Variants in TRAPPC11 observed in about 807,000 individuals in gnomAD.
TRAPPC11 encodes foie gras homolog.
In TRAPPC11, 104 loss-of-function variants were observed where a neutral mutation model predicts 151.2. That is an observed-to-expected ratio of 0.69 (90% CI 0.59 to 0.81). The LOEUF (loss-of-function observed/expected upper bound fraction) is 0.81, where lower values mean the gene tolerates loss of function less well. TRAPPC11 is among the 30% of genes least tolerant of loss of function. The probability of loss-of-function intolerance (pLI) is 0.00; values close to 1 mark genes in which losing one functional copy is unlikely to be tolerated. For synonymous variants in TRAPPC11, 456 were observed against 472.3 expected (o/e 0.97, Z 0.45); for missense variants, 1,230 against 1,349.6 (o/e 0.91, Z 1.39).
chr4:183,705,260 C>T (rs984289108), intron 27 of TRAPPC11, among the ~76,000 whole-genome samples, 190 bp downstream of exon 27: 1 of 152,016 alleles, frequency 6.6e-6, no homozygotes. Context: ...GGAACAAATC[C>T]CTAGATACAA....
intron 9 of TRAPPC11, 84 bp downstream of exon 9, chr4:183,679,570 T>C: frequency 1.6e-6 from 2 of 1,238,270 alleles, no homozygotes; most frequent in Non-Finnish European, 2.2e-6. Flanking sequence ...GTTCTAAAAC[T>C]GAACCAGGTT....
In TRAPPC11 at chr4:183,675,141, G is replaced by A. The variant is rs551058003; in HGVS notation, c.661-23G>A. On this transcript the variant is annotated intron_variant, in intron 6 of 29. Transcript: ENST00000334690. ...CATTTTAAATAGAATATGTATAATA[G>A]TAATTTTTTTGTCTCTTTTTAGCTT... 5 of 1,306,738 alleles carry A rather than the reference G, an allele frequency of 3.8e-6. No homozygotes were observed. The South Asian group carries it at 7.9e-5, about 21-fold the overall frequency. 80.9% of individuals were successfully genotyped at this position (1,306,738 alleles called of 1,614,324 possible). A position where few individuals can be genotyped will look rare whatever the true frequency, so the allele number is the denominator to read the frequency against.
Position 183,674,735 on chromosome 4 carries a change from C to A in TRAPPC11, c.583C>A (p.His195Asn), listed in dbSNP as rs1352269897. 2 of 1,559,944 alleles carry A rather than the reference C, an allele frequency of 1.3e-6. No individual in the cohort carries two copies. Among genetic ancestry groups the A allele is most frequent in the East Asian group, 2.4e-5 (1 of 41,632 alleles). Reference protein sequence around the residue: ...IIRLENAFYEHAQTYYYTEIR... With the variant: ...IIRLENAFYENAQTYYYTEIR... Reference sequence around the variant, plus strand: ...CAGATTGGAAAATGCCTTTTATGAACATGCACAGACTTATTACTACACTGA... The same window carrying A: ...CAGATTGGAAAATGCCTTTTATGAAAATGCACAGACTTATTACTACACTGA... The change falls in exon 6 of 30, where the codon CAT becomes AAT. Residue 195 changes from histidine to asparagine, a missense_variant. Coordinates refer to ENST00000334690, the MANE Select transcript of TRAPPC11 (RefSeq NM_021942.6).
At chr4:183,660,571 A>T (rs1333402825) in intron 1 of TRAPPC11, among the ~76,000 whole-genome samples, 3 of 152,188 alleles carry the variant, frequency 2.0e-5, no homozygotes, top group Non-Finnish European at 4.4e-5. Flanking sequence ...GATGACAGTC[A>T]TTTTTAGTTC....
intron 1 of TRAPPC11, among the ~76,000 whole-genome samples, chr4:183,663,629 A>G (rs1579152270): frequency 1.3e-5 from 2 of 152,126 alleles, no homozygotes; most frequent in South Asian, 4.1e-4. Flanking sequence ...TCGGCCTCCC[A>G]AAGTGTTGGG....
chr4:183,677,401 G>A, intron 7 of TRAPPC11, 57 bp from the exon 8 acceptor site: 1 of 972,394 alleles, frequency 1.0e-6, no homozygotes, highest in Non-Finnish European at 1.6e-6. Flanking sequence ...TAGTGATTTG[G>A]TTCTTAGAAA....
intron 27 of TRAPPC11, 121 bp downstream of exon 27, chr4:183,705,191 C>A: frequency 1.6e-6 from 1 of 640,092 alleles, no homozygotes; most frequent in Non-Finnish European, 2.7e-6. Flanking sequence ...GTAAAAGTAG[C>A]TTATGGCCAG....
chr4:183,689,631 CTTTT>C (rs777524576), intron 18 of TRAPPC11, among the ~76,000 whole-genome samples: 1 of 111,818 alleles, frequency 8.9e-6, no homozygotes, highest in South Asian at 2.7e-4. Context: ...CACAAGGACT[CTTTT>C]TTTTTTTTTT....
In TRAPPC11 at chr4:183,684,206, G is replaced by A. The variant is rs201387237; in HGVS notation, c.1349G>A (p.Arg450Gln). The A allele has an allele frequency of 9.9e-6, 16 of 1,613,852 alleles. No individual in the cohort carries two copies. Among genetic ancestry groups the A allele is most frequent in the Admixed American group, 1.7e-5 (1 of 59,996 alleles). ...VAQFKKYKCP[R>Q]MKSHLMVQMG... ...CAGTTCAAGAAGTATAAGTGCCCGC[G>A]AATGAAAAGTCACCTAAGTATGTAT... The change falls in exon 13 of 30, where the codon CGA becomes CAA. Residue 450 changes from arginine to glutamine, a missense_variant. By Grantham distance (43) the Arg-to-Gln change is conservative (BLOSUM62 1). Transcript: ENST00000334690.
At chr4:183,674,203 C>T (rs1349947049) in intron 5 of TRAPPC11, among the ~76,000 whole-genome samples, 2 of 150,636 alleles carry the variant, frequency 1.3e-5, no homozygotes, top group Non-Finnish European at 3.0e-5. Context: ...CACTTGAGGT[C>T]AGGAGATCAA....
chr4:183,686,674 T>C lies in TRAPPC11; in HGVS notation c.1819T>C (p.Phe607Leu), dbSNP rs1361092633. The C allele has an allele frequency of 5.0e-6, 8 of 1,614,004 alleles. No individual in the cohort carries two copies. The highest frequency in any genetic ancestry group is 6.8e-6 in the Non-Finnish European group (8 of 1,179,996). ...PSFHVDVPVQ[F>L]DIYLKADCPH... ...TTTTCATGTTGATGTTCCTGTTCAG[T>C]TTGATATTTATCTGAAGGCTGATTG... Residue 607 changes from phenylalanine to leucine, a missense_variant, in exon 18 of 30, where the codon TTT becomes CTT. Coordinates refer to ENST00000334690, the MANE Select transcript of TRAPPC11 (RefSeq NM_021942.6).
At chr4:183,706,638 A>C in intron 27 of TRAPPC11, 169 bp from the exon 28 acceptor site, 1 of 627,258 alleles carries the variant, frequency 1.6e-6, no homozygotes. Flanking sequence ...GTTTTATCAT[A>C]GTCTTATTGC....
At chr4:183,667,866 GGA>G (rs879241588) in intron 4 of TRAPPC11, 135 bp from the exon 5 acceptor site, 66 of 679,230 alleles carry the variant, frequency 9.7e-5, no homozygotes, top group South Asian at 8.5e-4. Flanking sequence ...AAGGAGCCCA[GGA>G]GTCCTGTTGG....
chr4:183,664,812 C>CA (rs1554005876), intron 2 of TRAPPC11, among the ~76,000 whole-genome samples: 5 of 151,164 alleles, frequency 3.3e-5, no homozygotes, highest in African/African-American at 1.2e-4. Flanking sequence ...GACCCCTATC[C>CA]TTTTTTTTTC....
chr4:183,691,921 A>G (rs1340628570), intron 19 of TRAPPC11, among the ~76,000 whole-genome samples: 1 of 152,242 alleles, frequency 6.6e-6, no homozygotes, highest in African/African-American at 2.4e-5. Context: ...AAAAATGAAC[A>G]TATATATTTG....
chr4:183,702,512 T>A (rs770206506), intron 26 of TRAPPC11, among the ~76,000 whole-genome samples: 2 of 152,166 alleles, frequency 1.3e-5, no homozygotes, highest in Non-Finnish European at 2.9e-5. Context: ...ATCAACATCT[T>A]AAGGTAAAGT....
At chr4:183,712,148 A>G (rs555727893) in intron 29 of TRAPPC11, among the ~76,000 whole-genome samples, 3 of 152,214 alleles carry the variant, frequency 2.0e-5, no homozygotes, top group Non-Finnish European at 4.4e-5. Flanking sequence ...CTTACCTGTC[A>G]GCTCAGGCTC....
intron 22 of TRAPPC11, 34 bp downstream of exon 22, chr4:183,694,072 C>A: frequency 1.2e-6 from 2 of 1,605,976 alleles, no homozygotes; most frequent in South Asian, 1.1e-5. Context: ...AAGAGGAAAT[C>A]AATTAGTTTG....
chr4:183,688,482 G>A (rs1579197098), intron 18 of TRAPPC11, among the ~76,000 whole-genome samples: 1 of 152,156 alleles, frequency 6.6e-6, no homozygotes, highest in Non-Finnish European at 1.5e-5. Context: ...AGAGTTAAGC[G>A]GGGATAGGCT....
Sources: allele counts gnomAD v4.1 joint callset (sites outside exome capture counted in the v4.1 genomes callset), GRCh38; gene constraint gnomAD v4.1.1; transcripts MANE v1.5; gene names NCBI Gene and HGNC (gene_info 2026-07-23, HGNC 2026-07-21).